Variants in ATG101 observed in about 807,000 individuals in gnomAD.
ATG101 encodes the protein autophagy related 101.
In ATG101, 6 loss-of-function variants were observed where a neutral mutation model predicts 16.7. That is an observed-to-expected ratio of 0.36 (90% CI 0.20 to 0.71). The LOEUF is 0.71. ATG101 is among the 30% of genes least tolerant of loss of function. ATG101 has a pLI of 0.57. For missense variants in ATG101, 200 were observed against 292.5 expected (o/e 0.68, Z 2.31); for synonymous variants, 108 against 118.1 (o/e 0.91, Z 0.56).
chr12:52,070,617 T>C (rs1323588953), intron 2 of ATG101, 134 bp downstream of exon 2: 1 of 152,310 alleles, frequency 6.6e-6, no homozygotes, highest in African/African-American at 2.4e-5. Context: ...CTGCTCACTG[T>C]GTGGGGCAGG....
upstream of ATG101, among the ~76,000 whole-genome samples, chr12:52,065,691 G>A (rs887565860): frequency 6.6e-6 from 1 of 152,300 alleles, no homozygotes; most frequent in African/African-American, 2.4e-5. Context: ...TCCATGGAAA[G>A]GTGAGTGCCG....
chr12:52,071,225 G>A (rs1255931163), intron 2 of ATG101: 1 of 152,188 alleles, frequency 6.6e-6, no homozygotes, highest in Non-Finnish European at 1.5e-5. Flanking sequence ...CCTGTGCTGA[G>A]CAACAGTTTA....
At chr12:52,072,410 T>C (rs1015926256) in intron 2 of ATG101, among the ~76,000 whole-genome samples, 2 of 152,240 alleles carry the variant, frequency 1.3e-5, no homozygotes, top group Admixed American at 6.5e-5. Flanking sequence ...CTTAAGGTCA[T>C]AGAGCAAGAT....
chr12:52,065,994 C>T (rs1939546920), upstream of ATG101, among the ~76,000 whole-genome samples: 1 of 152,196 alleles, frequency 6.6e-6, no homozygotes, highest in African/African-American at 2.4e-5. Flanking sequence ...TCTCCTGCCT[C>T]AGCCTCCTGA....
Position 52,070,103 on chromosome 12 carries a change from C to T in ATG101, c.-346C>T, listed in dbSNP as rs1340168240. Reference sequence around the variant, plus strand: ...GCTGTTTTAACCGTGTGCCCCCTCTCCTGTGCCGGCGTGGGCATCCCCCGG... The same window carrying T: ...GCTGTTTTAACCGTGTGCCCCCTCTTCTGTGCCGGCGTGGGCATCCCCCGG... On this transcript the variant is annotated 5_prime_UTR_variant, in exon 1 of 4. Transcript: ENST00000336854. The T allele has an allele frequency of 6.6e-6, 1 of 152,314 alleles. No individual in the cohort carries two copies. Among genetic ancestry groups the T allele is most frequent in the African/African-American group, 2.4e-5 (1 of 41,442 alleles). 9.4% of individuals were successfully genotyped at this position (152,314 alleles called of 1,614,324 possible).
At chr12:52,069,019 A>AAAAAAAAAAAAAAC (rs1939591622), upstream of ATG101, among the ~76,000 whole-genome samples, 1 of 146,356 alleles carries the variant, frequency 6.8e-6, no homozygotes, top group Admixed American at 6.8e-5. Flanking sequence ...AAAAAAAAAA[A>AAAAAAAAAAAAAAC]AAATACTGCC....
rs1199689526 is a variant in ATG101 at position 52,073,789 on chromosome 12, A to G, written c.139A>G (p.Ile47Val). ...FHYKKEGTYSIGTVGTQDVDC... is the reference protein window; with the variant it reads ...FHYKKEGTYSVGTVGTQDVDC... ...CTACAAGAAGGAGGGCACCTACTCC[A>G]TTGGCACCGTGGGCACCCAGGATGT... is the stretch of plus-strand genomic sequence containing the variant. The change falls in exon 3 of 4, where the codon ATT (isoleucine) becomes GTT (valine). Residue 47 changes from isoleucine to valine, a missense_variant. By Grantham distance (29) the Ile-to-Val change is conservative (BLOSUM62 3). Transcript: ENST00000336854. 2 of 1,614,210 alleles carry G rather than the reference A, an allele frequency of 1.2e-6. No homozygotes were observed. The highest frequency in any genetic ancestry group is 1.3e-5 in the African/African-American group (1 of 75,054).
chr12:52,069,877 G>A (rs557736363), upstream of ATG101: 14 of 152,360 alleles, frequency 9.2e-5, no homozygotes, highest in African/African-American at 2.6e-4. Flanking sequence ...GGATGTTGTG[G>A]GCGGCTACAT....
intron 3 of ATG101, 81 bp from the exon 4 acceptor site, chr12:52,076,705 A>G: frequency 6.7e-7 from 1 of 1,487,800 alleles, no homozygotes; most frequent in South Asian, 1.3e-5. Context: ...AGAGAGCATA[A>G]TTCCCTGGGG....
chr12:52,074,429 C>T (rs1379690513), intron 3 of ATG101, among the ~76,000 whole-genome samples: 1 of 152,194 alleles, frequency 6.6e-6, no homozygotes, highest in Non-Finnish European at 1.5e-5. Context: ...GGTAGTGTGC[C>T]TTCTCCTCTG....
Position 52,076,033 on chromosome 12 carries a change from C to G in ATG101, c.253-753C>G, listed in dbSNP as rs770240803. ...AAAATTAAAACTTAGCCAAGTGTGC[C>G]TGTAGTATCAGCTACTCAGGAGGCT... On this transcript the variant is annotated intron_variant, in intron 3 of 3. Coordinates refer to ENST00000336854, the MANE Select transcript of ATG101 (RefSeq NM_021934.5). Among the ~76,000 whole-genome samples the G allele has an allele frequency of 9.2e-5, 14 of 152,248 alleles. 1 individual carries two copies. The highest frequency in any genetic ancestry group is 3.4e-3 in the Middle Eastern group (1 of 294).
At chr12:52,066,708 G>A (rs1210727120), upstream of ATG101, among the ~76,000 whole-genome samples, 2 of 152,146 alleles carry the variant, frequency 1.3e-5, no homozygotes, top group Non-Finnish European at 2.9e-5. Flanking sequence ...TATGAGTGCT[G>A]GCATTGTACC....
chr12:52,070,759 C>CAA (rs1939637089), intron 2 of ATG101: 1 of 152,174 alleles, frequency 6.6e-6, no homozygotes, highest in Admixed American at 6.6e-5. Flanking sequence ...GCTTGGGGCA[C>CAA]AAGTGAGATG....
intron 2 of ATG101, among the ~76,000 whole-genome samples, chr12:52,072,468 G>A (rs570718707): frequency 1.6e-4 from 25 of 152,318 alleles, no homozygotes; most frequent in African/African-American, 4.1e-4. Flanking sequence ...ATGAAAAACC[G>A]CCCACACCTG....
At chr12:52,073,379 A>C (rs1939680080) in intron 2 of ATG101, among the ~76,000 whole-genome samples, 196 bp from the exon 3 acceptor site, 1 of 152,250 alleles carries the variant, frequency 6.6e-6, no homozygotes, top group Non-Finnish European at 1.5e-5. Context: ...ATGGAATCCC[A>C]GCCTGTCATT....
Position 52,077,285 on chromosome 12 carries a change from G to A in ATG101, c.*95G>A. 2.2e-6 allele frequency: 3 copies of A among 1,392,686 alleles called. No homozygotes were observed. The highest frequency in any genetic ancestry group is 2.9e-6 in the Non-Finnish European group (3 of 1,028,058). 86.3% of individuals were successfully genotyped at this position (1,392,686 alleles called of 1,614,324 possible). A position where few individuals can be genotyped will look rare whatever the true frequency, so the allele number is the denominator to read the frequency against. ...CCTTTGGGCTCTGGAACCTGCTCTG[G>A]GTCATTGGTGAGACTTGGAAGGGGC... On this transcript the variant is annotated 3_prime_UTR_variant, in exon 4 of 4. Transcript: ENST00000336854.
At chr12:52,071,077 T>G (rs1033686051) in intron 2 of ATG101, 4 of 152,174 alleles carry the variant, frequency 2.6e-5, no homozygotes, top group African/African-American at 9.7e-5. Flanking sequence ...AAGCAGAATA[T>G]AGGAATTGTT....
intron 3 of ATG101, 141 bp from the exon 4 acceptor site, chr12:52,076,644 AC>A (rs567806058): frequency 9.6e-5 from 98 of 1,025,860 alleles, no homozygotes; most frequent in Non-Finnish European, 1.3e-4. Context: ...CAAATCGTTT[AC>A]CCTCTCCCAG....
At chr12:52,075,175 A>G (rs1346509066) in intron 3 of ATG101, among the ~76,000 whole-genome samples, 3 of 152,166 alleles carry the variant, frequency 2.0e-5, no homozygotes, top group Non-Finnish European at 4.4e-5. Flanking sequence ...GGGGTTGCCC[A>G]GTGTCAGGTG....
Sources: gnomAD v4.1 joint callset for allele counts (sites outside exome capture counted in the v4.1 genomes callset) on GRCh38, gnomAD v4.1.1 for gene constraint, MANE v1.5 for transcripts, NCBI Gene and HGNC (gene_info 2026-07-23, HGNC 2026-07-21) for gene names.